WDPCP: variants seen among roughly 807,000 people sequenced by gnomAD.
WDPCP encodes the protein WD repeat containing planar cell polarity effector, also known as WD repeat-containing and planar cell polarity effector protein fritz homolog.
WDPCP carries 71 observed loss-of-function variants against 93.1 expected under a neutral mutation model. That is an observed-to-expected ratio of 0.76 (90% CI 0.63 to 0.93). The LOEUF is 0.93. Ranked by LOEUF, WDPCP falls within the 40% of genes least tolerant of loss-of-function variation. The probability of loss-of-function intolerance (pLI) is 0.00; values close to 1 mark genes in which losing one functional copy is unlikely to be tolerated. For synonymous variants in WDPCP, 315 were observed against 315.0 expected, an observed-to-expected ratio of 1.00 and a Z score of 0.00; for missense variants, 844 against 887.4, an observed-to-expected ratio of 0.95 and a Z score of 0.62.
At chr2:63,487,526 G>A (rs1354205776) in intron 2 of WDPCP, 32 bp from the exon 3 acceptor site, 1 of 1,498,900 alleles carries the variant, frequency 6.7e-7, no homozygotes, top group Non-Finnish European at 9.3e-7. Context: ...ATTAAATTAT[G>A]ATTTAAAAGT....
chr2:63,737,341 C>T (rs1304048764), intron 2 of WDPCP, among the ~76,000 whole-genome samples: 2 of 152,200 alleles, frequency 1.3e-5, no homozygotes, highest in Non-Finnish European at 2.9e-5. Context: ...GCTGCACTCT[C>T]CATGTCCTAA....
chr2:63,281,537 A>G (rs1358118412), intron 13 of WDPCP, among the ~76,000 whole-genome samples: 1 of 152,242 alleles, frequency 6.6e-6, no homozygotes, highest in Non-Finnish European at 1.5e-5. Context: ...CTGCATGTTT[A>G]TAGTAGCAAA....
intron 1 of WDPCP, among the ~76,000 whole-genome samples, chr2:63,546,850 T>A (rs1306370560): frequency 1.3e-5 from 2 of 151,896 alleles, no homozygotes; most frequent in African/African-American, 4.8e-5. Context: ...AATAAATAAC[T>A]ATATTTATAT....
At chr2:63,482,913 G>T in intron 6 of WDPCP, among the ~76,000 whole-genome samples, 1 of 151,862 alleles carries the variant, frequency 6.6e-6, no homozygotes, top group East Asian at 1.9e-4. Flanking sequence ...CTGATTAACC[G>T]ATTAGATTAC....
chr2:63,541,697 A>T (rs1463931405), intron 1 of WDPCP, among the ~76,000 whole-genome samples: 1 of 152,198 alleles, frequency 6.6e-6, no homozygotes, highest in African/African-American at 2.4e-5. Context: ...GTCATGTAAA[A>T]GCCAGTGCCA....
chr2:63,699,881 C>A (rs1177795358), intron 2 of WDPCP, among the ~76,000 whole-genome samples: 2 of 152,038 alleles, frequency 1.3e-5, no homozygotes, highest in Non-Finnish European at 2.9e-5. Context: ...GTCTCAAAAA[C>A]CAGCTAAGAG....
At chr2:63,832,269 ATCAG>A (rs1384575350), upstream of WDPCP, among the ~76,000 whole-genome samples, 1 of 152,216 alleles carries the variant, frequency 6.6e-6, no homozygotes, top group Non-Finnish European at 1.5e-5. Flanking sequence ...GTCATTTTCC[ATCAG>A]GTAATAATGG....
At chr2:63,211,688 T>C (rs934406471) in intron 14 of WDPCP, among the ~76,000 whole-genome samples, 1 of 152,140 alleles carries the variant, frequency 6.6e-6, no homozygotes, top group South Asian at 2.1e-4. Context: ...AGGAGGAAGT[T>C]TGAACCCATC....
chr2:63,346,871 G>A (rs547787663), intron 12 of WDPCP, among the ~76,000 whole-genome samples: 1 of 152,116 alleles, frequency 6.6e-6, no homozygotes, highest in Non-Finnish European at 1.5e-5. Flanking sequence ...AGGATCATAA[G>A]GTTGACCTCA....
intron 1 of WDPCP, among the ~76,000 whole-genome samples, chr2:63,559,116 G>C (rs1400024033): frequency 1.3e-5 from 2 of 152,142 alleles, no homozygotes; most frequent in African/African-American, 2.4e-5. Flanking sequence ...TGGAATGCAA[G>C]GCTGGTTCAA....
chr2:63,622,151 G>T (rs1558868649), intron 3 of WDPCP: 12 of 1,565,990 alleles, frequency 7.7e-6, no homozygotes, highest in African/African-American at 1.4e-5. Context: ...AGCTGTCTGG[G>T]TTGCTGTGGT....
intron 9 of WDPCP, among the ~76,000 whole-genome samples, chr2:63,408,443 C>G (rs533458278): frequency 1.3e-5 from 2 of 152,178 alleles, no homozygotes; most frequent in South Asian, 4.1e-4. Flanking sequence ...CTCACTATGT[C>G]CCCAAGCAGG....
chr2:63,654,549 T>C (rs1280786597), intron 2 of WDPCP, among the ~76,000 whole-genome samples: 2 of 152,168 alleles, frequency 1.3e-5, no homozygotes, highest in East Asian at 1.9e-4. Flanking sequence ...GAGGAAAAGC[T>C]TGATGTGAAA....
At chr2:63,697,354 G>A (rs781185963) in intron 2 of WDPCP, among the ~76,000 whole-genome samples, 4 of 152,170 alleles carry the variant, frequency 2.6e-5, no homozygotes, top group Non-Finnish European at 5.9e-5. Flanking sequence ...TAAGTGATGA[G>A]CCAAGATTCA....
chr2:63,712,819 C>T, intron 2 of WDPCP, among the ~76,000 whole-genome samples: 1 of 152,200 alleles, frequency 6.6e-6, no homozygotes, highest in Admixed American at 6.5e-5. Flanking sequence ...TCTGCCTACA[C>T]CCAAGTTGCC....
At chr2:63,514,577 G>A (rs1702435627) in intron 1 of WDPCP, among the ~76,000 whole-genome samples, 1 of 152,046 alleles carries the variant, frequency 6.6e-6, no homozygotes, top group Admixed American at 6.6e-5. Context: ...ATGTCACCTG[G>A]CACTTAAAAA....
At chr2:63,330,274 C>T (rs147456747) in intron 12 of WDPCP, among the ~76,000 whole-genome samples, 7 of 152,260 alleles carry the variant, frequency 4.6e-5, no homozygotes, top group East Asian at 1.9e-4. Flanking sequence ...TAGTAGGTAT[C>T]GTAACAGATG....
intron 2 of WDPCP, among the ~76,000 whole-genome samples, chr2:63,757,151 A>G (rs1669983948): frequency 6.6e-6 from 1 of 152,232 alleles, no homozygotes; most frequent in African/African-American, 2.4e-5. Context: ...GTCAAAGAAG[A>G]AAATGAAAAA....
At chr2:63,235,735 TA>T (rs963334419) in intron 14 of WDPCP, among the ~76,000 whole-genome samples, 1 of 150,852 alleles carries the variant, frequency 6.6e-6, no homozygotes, top group African/African-American at 2.4e-5. Context: ...TAAACAGAAT[TA>T]AAAAAAAACC....
Sources: allele counts gnomAD v4.1 joint callset (sites outside exome capture counted in the v4.1 genomes callset), GRCh38; gene constraint gnomAD v4.1.1; transcripts MANE v1.5; gene names NCBI Gene and HGNC (gene_info 2026-07-23, HGNC 2026-07-21).